Variants in KDM2B observed in about 807,000 individuals in gnomAD.
KDM2B encodes lysine demethylase 2B.
KDM2B carries 26 observed loss-of-function variants against 150.0 expected under a neutral mutation model. The observed-to-expected ratio is 0.17, with a 90% confidence interval of 0.13 to 0.24. The LOEUF (loss-of-function observed/expected upper bound fraction) is 0.24. KDM2B is among the 10% of genes least tolerant of loss of function. The probability of loss-of-function intolerance (pLI) is 1.00; values close to 1 mark genes in which losing one functional copy is unlikely to be tolerated. For synonymous variants in KDM2B, 734 were observed against 729.5 expected (o/e 1.01, Z -0.10); for missense variants, 1,265 against 1,816.9 (o/e 0.70, Z 5.52).
chr12:121,443,987 C>T (rs1555289335), intron 16 of KDM2B, 25 bp downstream of exon 16: 1 of 1,582,492 alleles, frequency 6.3e-7, no homozygotes, highest in Non-Finnish European at 8.6e-7. Context: ...AACCCCTTTG[C>T]CTCCCAGCCC....
At chr12:121,542,271 C>A (rs1888665595) in intron 6 of KDM2B, among the ~76,000 whole-genome samples, 1 of 152,208 alleles carries the variant, frequency 6.6e-6, no homozygotes, top group African/African-American at 2.4e-5. Context: ...GGAAGCGGAT[C>A]TTCCAGCCCA....
chr12:121,451,461 GC>G (rs145448660), intron 13 of KDM2B, among the ~76,000 whole-genome samples: 2,188 of 152,248 alleles, frequency 0.014, 45 homozygotes, highest in East Asian at 0.12. Context: ...GTCAGATGGT[GC>G]CCCAACCCTT....
At chr12:121,555,621 C>T (rs1023787125) in intron 4 of KDM2B, among the ~76,000 whole-genome samples, 3 of 152,178 alleles carry the variant, frequency 2.0e-5, no homozygotes, top group Non-Finnish European at 4.4e-5. Flanking sequence ...CATCTGCCCA[C>T]CTAGGCCTCC....
chr12:121,421,371 TAAAAAAAAAAA>T, the KDM2B span, among the ~76,000 whole-genome samples: 119 of 46,374 alleles, frequency 2.6e-3, no homozygotes, highest in Admixed American at 0.011. Context: ...ATCCCATCTC[TAAAAAAAAAAA>T]AAAAAAAAAA....
intron 8 of KDM2B, among the ~76,000 whole-genome samples, chr12:121,524,131 G>A (rs1323102219): frequency 2.0e-5 from 3 of 152,110 alleles, no homozygotes; most frequent in African/African-American, 7.2e-5. Flanking sequence ...CATCTTATAT[G>A]GCCCCACAAG....
upstream of KDM2B, among the ~76,000 whole-genome samples, chr12:121,581,522 A>C (rs1891963428): frequency 6.6e-6 from 1 of 152,192 alleles, no homozygotes; most frequent in South Asian, 2.1e-4. Context: ...GCTTGAGAAA[A>C]GCTAGCCCTA....
chr12:121,457,398 A>G (rs1470779053), intron 12 of KDM2B, among the ~76,000 whole-genome samples: 3 of 152,092 alleles, frequency 2.0e-5, no homozygotes, highest in Non-Finnish European at 4.4e-5. Context: ...AATAGCTGGA[A>G]TTACAGGTGT....
intron 7 of KDM2B, among the ~76,000 whole-genome samples, chr12:121,534,219 G>T (rs1887905879): frequency 1.3e-5 from 2 of 151,970 alleles, no homozygotes; most frequent in African/African-American, 2.4e-5. Flanking sequence ...CGTGGTAGCA[G>T]GCACTTGTAG....
rs782051776 is a variant in KDM2B, at chr12:121,509,976, T to C, written c.1238A>G (p.Glu413Gly). The change falls in exon 11 of 23, where the codon GAG (glutamate) becomes GGG (glycine). Residue 413 changes from glutamate to glycine, a missense_variant. Coordinates refer to ENST00000377071, the MANE Select transcript of KDM2B (RefSeq NM_032590.5). ...SSDSWLEMEE[E>G]ACDQQPQEEE... ...CTCCTGAGGCTGCTGATCACAGGCC[T>C]CCTCCTCCATCTCCAGCCAGGAATC... The C allele has an allele frequency of 6.2e-7, 1 of 1,601,910 alleles. No individual in the cohort carries two copies. Among genetic ancestry groups the C allele is most frequent in the Admixed American group, 1.7e-5 (1 of 59,126 alleles).
chr12:121,530,634 C>T lies in KDM2B; in HGVS notation c.931+2172G>A, dbSNP rs186244393. 1.5e-3 allele frequency among the ~76,000 whole-genome samples: 231 copies of T among 151,936 alleles called. 3 individuals are homozygous for T. The highest frequency in any genetic ancestry group is 1.4e-3 in the Non-Finnish European group (92 of 67,950). ...AAATCCTGGTATCTCAATGCATGAC[C>T]CTTCAGGCCAGAAGTCTTTGCCAGG... On this transcript the variant is annotated intron_variant, in intron 8 of 22. Transcript: ENST00000377071.
chr12:121,530,719 T>C (rs971995183), intron 8 of KDM2B, among the ~76,000 whole-genome samples: 2 of 152,132 alleles, frequency 1.3e-5, no homozygotes, highest in African/African-American at 4.8e-5. Flanking sequence ...CTGCCTTCAA[T>C]AGACAGCCAC....
At position 121,453,411 on chromosome 12, in the gene KDM2B, G is replaced by T; in HGVS notation, c.1735-67C>A. The T allele has an allele frequency of 7.9e-7, 1 of 1,263,344 alleles. No homozygotes were observed. Among genetic ancestry groups the T allele is most frequent in the Non-Finnish European group, 1.1e-6 (1 of 915,408 alleles). 78.3% of individuals were successfully genotyped at this position (1,263,344 alleles called of 1,614,324 possible). On this transcript the variant is annotated intron_variant, in intron 12 of 22. Transcript: ENST00000377071. This position sits in a 1 kb window ranked among gnomAD's most constrained non-coding sequence, Gnocchi z 6.4. ...AGGCACGGCCAGACCCCCGGAAAGGGTGTTAGGGAGCAAACTGTGTACCCC... is the reference window on the plus strand; with the variant it reads ...AGGCACGGCCAGACCCCCGGAAAGGTTGTTAGGGAGCAAACTGTGTACCCC...
the KDM2B span, chr12:121,415,275 A>G: frequency 2.7e-6 from 1 of 370,114 alleles, no homozygotes; most frequent in East Asian, 7.4e-5. Context: ...ATGCTATAGT[A>G]TATTATACCC....
chr12:121,522,712 G>T (rs1253514607), intron 8 of KDM2B, among the ~76,000 whole-genome samples: 1 of 151,646 alleles, frequency 6.6e-6, no homozygotes, highest in Admixed American at 6.6e-5. Context: ...GCCAGGCTTG[G>T]TGGCACATGC....
chr12:121,443,818 G>T, intron 16 of KDM2B, 25 bp from the exon 17 acceptor site: 1 of 1,458,378 alleles, frequency 6.9e-7, no homozygotes, highest in Non-Finnish European at 9.4e-7. Context: ...AGTGGGAAGA[G>T]GAGTGACTCG....
In KDM2B at chr12:121,575,179, C is replaced by T. The variant is rs1399929017; in HGVS notation, c.351-586G>A. Among the ~76,000 whole-genome samples, 1 of 152,216 alleles carries T rather than the reference C, an allele frequency of 6.6e-6. No homozygotes were observed. The highest frequency in any genetic ancestry group is 1.5e-5 in the Non-Finnish European group (1 of 68,034). On this transcript the variant is annotated intron_variant, in intron 3 of 22. Coordinates refer to ENST00000377071, the MANE Select transcript of KDM2B (RefSeq NM_032590.5). The surrounding 1 kb of genome is among the most constrained non-coding windows in gnomAD (Gnocchi z 4.4). ...TCTGGGAGCAGATGCTGGAGAGAGG[C>T]TGCCTGGGACGACACCCCAAGCCTC...
intron 8 of KDM2B, among the ~76,000 whole-genome samples, chr12:121,531,901 G>A (rs928911452): frequency 2.0e-4 from 30 of 151,982 alleles, no homozygotes; most frequent in African/African-American, 7.0e-4. Flanking sequence ...GAGACCAGCC[G>A]GGACAACATG....
intron 11 of KDM2B, among the ~76,000 whole-genome samples, chr12:121,508,295 C>G (rs572840589): frequency 3.9e-5 from 6 of 152,192 alleles, no homozygotes; most frequent in Admixed American, 3.9e-4. Context: ...CTATGTTGGC[C>G]AGGCTGGGCT....
At chr12:121,562,779 C>T (rs1890437953) in intron 4 of KDM2B, among the ~76,000 whole-genome samples, 1 of 152,076 alleles carries the variant, frequency 6.6e-6, no homozygotes, top group Non-Finnish European at 1.5e-5. Context: ...CCACTGCCTA[C>T]CAGCTGTGAG....
Sources: allele counts gnomAD v4.1 joint callset (sites outside exome capture counted in the v4.1 genomes callset), GRCh38; gene constraint gnomAD v4.1.1; non-coding constraint Gnocchi (gnomAD v3.1); transcripts MANE v1.5; gene names NCBI Gene and HGNC (gene_info 2026-07-23, HGNC 2026-07-21).